The following MCUB variants were observed in gnomAD, a reference collection of about 807,000 sequenced individuals.
The protein encoded by MCUB is mitochondrial calcium uniporter dominant negative subunit beta.
In MCUB, 46 loss-of-function variants were observed where a neutral mutation model predicts 41.4. That is an observed-to-expected ratio of 1.11 (90% CI 0.88 to 1.42). The LOEUF (loss-of-function observed/expected upper bound fraction) is 1.42. MCUB is among the 40% of genes most tolerant of loss of function. The probability of loss-of-function intolerance (pLI) is 0.00; values close to 1 mark genes in which losing one functional copy is unlikely to be tolerated. For missense variants in MCUB, 403 were observed against 404.9 expected (o/e 1.00, Z 0.04); for synonymous variants, 148 against 148.2 (o/e 1.00, Z 0.01).
At chr4:109,591,306 C>G (rs773739858) in intron 1 of MCUB, among the ~76,000 whole-genome samples, 1 of 152,102 alleles carries the variant, frequency 6.6e-6, no homozygotes, top group Non-Finnish European at 1.5e-5. Context: ...ATGACTCAGC[C>G]TCCCGAGTAG....
chr4:109,563,419 T>C (rs768673678), intron 1 of MCUB, among the ~76,000 whole-genome samples: 2 of 152,200 alleles, frequency 1.3e-5, no homozygotes, highest in African/African-American at 2.4e-5. Flanking sequence ...TTAATGAACA[T>C]ATCGTTCTTG....
intron 1 of MCUB, among the ~76,000 whole-genome samples, chr4:109,653,158 C>T (rs962553276): frequency 6.6e-5 from 10 of 151,978 alleles, no homozygotes; most frequent in East Asian, 1.9e-4. Context: ...GGGCGGATCG[C>T]GAGGTTAGGA....
chr4:109,576,494 A>G (rs933196296), intron 1 of MCUB, among the ~76,000 whole-genome samples: 3 of 151,526 alleles, frequency 2.0e-5, no homozygotes, highest in Admixed American at 2.0e-4. Flanking sequence ...TGCAAAAACA[A>G]TAGTAGAAAA....
At chr4:109,647,274 G>A (rs62327660) in intron 1 of MCUB, among the ~76,000 whole-genome samples, 35,780 of 152,002 alleles carry the variant, frequency 0.24, 4,918 homozygotes, top group South Asian at 0.34. Context: ...ATGTAGTGAT[G>A]TGTCTACATT....
chr4:109,650,531 C>T (rs1161526730), intron 1 of MCUB, among the ~76,000 whole-genome samples: 1 of 152,094 alleles, frequency 6.6e-6, no homozygotes, highest in African/African-American at 2.4e-5. Flanking sequence ...TTGAAACAGT[C>T]TCAAACATAA....
intron 1 of MCUB, among the ~76,000 whole-genome samples, chr4:109,654,510 G>A (rs6851356): frequency 2.0e-5 from 3 of 151,714 alleles, no homozygotes; most frequent in Admixed American, 6.6e-5. Flanking sequence ...ACTCGAGAGG[G>A]TGAGGCAGGA....
In MCUB at chr4:109,603,247, C is replaced by T. The variant is rs553827819; in HGVS notation, c.99+42811C>T. The stretch of plus-strand genomic sequence containing the variant: ...AGTGCCTGGGATTGCAGGCGCGCGC[C>T]GCCACGCCTGACTGGTTTTTGTATT... On this transcript the variant is annotated intron_variant, in intron 1 of 7. Transcript: ENST00000394650. Among the ~76,000 whole-genome samples, 10 of 152,270 alleles carry T rather than the reference C, an allele frequency of 6.6e-5. No homozygotes were observed. The East Asian group carries it at 1.2e-3, about 18-fold the overall frequency.
intron 1 of MCUB, chr4:109,648,729 A>C: frequency 3.2e-6 from 1 of 308,948 alleles, no homozygotes; most frequent in Non-Finnish European, 6.3e-6. Context: ...AGAAGCAAAA[A>C]AAAAAAAAAA....
At chr4:109,596,644 C>T (rs1190704270) in intron 1 of MCUB, among the ~76,000 whole-genome samples, 1 of 152,144 alleles carries the variant, frequency 6.6e-6, no homozygotes, top group Non-Finnish European at 1.5e-5. Context: ...AGATTTAGCA[C>T]TTCCTCTCTT....
chr4:109,587,454 C>T (rs2126127918), intron 1 of MCUB, among the ~76,000 whole-genome samples: 1 of 152,180 alleles, frequency 6.6e-6, no homozygotes, highest in East Asian at 1.9e-4. Flanking sequence ...GCTTGGCCTC[C>T]ATGGGCTGTA....
chr4:109,587,495 G>A (rs1199405491), intron 1 of MCUB, among the ~76,000 whole-genome samples: 1 of 152,206 alleles, frequency 6.6e-6, no homozygotes, highest in Admixed American at 6.5e-5. Context: ...AATGAGATGA[G>A]CCAGGTACCT....
At chr4:109,595,655 C>T (rs1346157006) in intron 1 of MCUB, among the ~76,000 whole-genome samples, 2 of 152,286 alleles carry the variant, frequency 1.3e-5, no homozygotes, top group Non-Finnish European at 2.9e-5. Flanking sequence ...CTATATTGGA[C>T]AGCATAGAGA....
chr4:109,632,025 T>C (rs915874917), intron 1 of MCUB, among the ~76,000 whole-genome samples: 2 of 152,172 alleles, frequency 1.3e-5, no homozygotes, highest in African/African-American at 4.8e-5. Context: ...ATTTCTCATG[T>C]AGCCAATAAC....
At chr4:109,610,631 C>T (rs2126133271) in intron 1 of MCUB, among the ~76,000 whole-genome samples, 1 of 152,256 alleles carries the variant, frequency 6.6e-6, no homozygotes, top group South Asian at 2.1e-4. Flanking sequence ...AAAAAGATAA[C>T]AGTCACGCGT....
chr4:109,653,538 G>A (rs1028165744), intron 1 of MCUB, among the ~76,000 whole-genome samples: 3 of 151,996 alleles, frequency 2.0e-5, no homozygotes, highest in Admixed American at 6.6e-5. Context: ...CAATTCATTC[G>A]TTTTCTATTG....
intron 4 of MCUB, among the ~76,000 whole-genome samples, chr4:109,679,418 G>T (rs1729664175): frequency 6.6e-6 from 1 of 152,200 alleles, no homozygotes; most frequent in African/African-American, 2.4e-5. Context: ...GGCCGAGGCG[G>T]GCAGATCACC....
chr4:109,609,190 C>G (rs1027392286), intron 1 of MCUB, among the ~76,000 whole-genome samples: 1 of 152,134 alleles, frequency 6.6e-6, no homozygotes, highest in Non-Finnish European at 1.5e-5. Context: ...AGAAATAATT[C>G]AGGGTGAGTC....
intron 1 of MCUB, among the ~76,000 whole-genome samples, chr4:109,566,469 CAAAA>C (rs60385848): frequency 7.6e-6 from 1 of 132,382 alleles, no homozygotes; most frequent in African/African-American, 2.7e-5. Context: ...GACTCTGTCT[CAAAA>C]AAAAAAAAAT....
intron 1 of MCUB, among the ~76,000 whole-genome samples, chr4:109,619,049 T>C (rs1211704049): frequency 6.7e-6 from 1 of 148,374 alleles, no homozygotes; most frequent in Admixed American, 6.7e-5. Flanking sequence ...CCTACCTACC[T>C]ACCTACCTAC....
Sources: gnomAD v4.1 joint callset for allele counts (sites outside exome capture counted in the v4.1 genomes callset) on GRCh38, gnomAD v4.1.1 for gene constraint, MANE v1.5 for transcripts, NCBI Gene and HGNC (gene_info 2026-07-23, HGNC 2026-07-21) for gene names.